The following DOCK4 variants were observed in gnomAD, a reference collection of about 807,000 sequenced individuals.
DOCK4 encodes dedicator of cytokinesis protein 4.
In DOCK4, 97 loss-of-function variants were observed where a neutral mutation model predicts 268.1. The observed-to-expected ratio is 0.36, with a 90% CI of 0.31 to 0.43. The LOEUF (loss-of-function observed/expected upper bound fraction) is 0.43, where lower values mean the gene tolerates loss of function less well. Among genes scored for constraint, DOCK4 ranks in the 20% least tolerant of loss-of-function variants. The probability of loss-of-function intolerance (pLI) is 1.00; values close to 1 mark genes in which losing one functional copy is unlikely to be tolerated. For missense variants in DOCK4, 2,145 were observed against 2,455.7 expected, an observed-to-expected ratio of 0.87 and a Z score of 2.67; for synonymous variants, 954 against 887.2, an observed-to-expected ratio of 1.08 and a Z score of -1.34.
At chr7:111,885,849 T>C (rs1335269241) in intron 16 of DOCK4, among the ~76,000 whole-genome samples, 1 of 152,170 alleles carries the variant, frequency 6.6e-6, no homozygotes, top group African/African-American at 2.4e-5. Flanking sequence ...AAATGCAGGC[T>C]TTGCAGCAGC....
At chr7:111,783,014 G>GAAAAAAAAA in intron 34 of DOCK4, 90 bp from the exon 35 acceptor site, 9 of 412,742 alleles carry the variant, frequency 2.2e-5, no homozygotes, top group South Asian at 1.3e-4. Context: ...AAGAAAGAAA[G>GAAAAAAAAA]AAAGAAAAAA....
At chr7:111,906,059 C>A (rs1466214097) in intron 13 of DOCK4, among the ~76,000 whole-genome samples, 2 of 151,922 alleles carry the variant, frequency 1.3e-5, no homozygotes, top group African/African-American at 2.4e-5. Flanking sequence ...AAGAATAGTG[C>A]CCTAGGTATT....
intron 1 of DOCK4, among the ~76,000 whole-genome samples, chr7:112,122,238 T>G (rs1812796033): frequency 6.6e-6 from 1 of 152,148 alleles, no homozygotes; most frequent in African/African-American, 2.4e-5. Flanking sequence ...AGTTCAGTAG[T>G]GTTAAGTATA....
chr7:111,998,335 T>C lies in DOCK4; in HGVS notation c.218+113A>G, dbSNP rs910737566. 26 of 802,302 alleles carry C rather than the reference T, an allele frequency of 3.2e-5. No individual in the cohort carries two copies. The African/African-American group carries it at 4.2e-4, about 13-fold the overall frequency. 49.7% of individuals were successfully genotyped at this position (802,302 alleles called of 1,614,324 possible). ...TATCTTTAACAAAGAACACAGACAA[T>C]GGTATGATCTTCTACAGTTCATTTT... On this transcript the variant is annotated intron_variant, in intron 4 of 52. Transcript: ENST00000428084.
chr7:112,021,816 T>C (rs554651220), intron 1 of DOCK4, among the ~76,000 whole-genome samples: 1 of 152,318 alleles, frequency 6.6e-6, no homozygotes, highest in South Asian at 2.1e-4. Context: ...GTCTACGGGT[T>C]CTTCCAGAGT....
At chr7:112,151,978 A>C (rs976877141) in intron 1 of DOCK4, among the ~76,000 whole-genome samples, 1 of 150,884 alleles carries the variant, frequency 6.6e-6, no homozygotes, top group African/African-American at 2.5e-5. Flanking sequence ...AAAAAAAAAA[A>C]CTAATTCTAG....
At chr7:111,929,727 T>TCTA (rs564799121) in intron 12 of DOCK4, among the ~76,000 whole-genome samples, 1 of 152,206 alleles carries the variant, frequency 6.6e-6, no homozygotes, top group African/African-American at 2.4e-5. Context: ...GGTCTCCTTA[T>TCTA]GGAGTTAAAA....
chr7:111,786,330 CT>C (rs1799161882), intron 32 of DOCK4, among the ~76,000 whole-genome samples: 2 of 152,110 alleles, frequency 1.3e-5, no homozygotes, highest in African/African-American at 4.8e-5. Context: ...ATCCCCAGCC[CT>C]GGGGAGTGCC....
intron 12 of DOCK4, among the ~76,000 whole-genome samples, chr7:111,933,730 T>G (rs1445782859): frequency 1.3e-5 from 2 of 152,198 alleles, no homozygotes; most frequent in African/African-American, 4.8e-5. Context: ...GTGTCTTGTT[T>G]GTTTAGTGGT....
At chr7:112,070,252 A>G (rs1807464992) in intron 1 of DOCK4, among the ~76,000 whole-genome samples, 1 of 152,190 alleles carries the variant, frequency 6.6e-6, no homozygotes. Flanking sequence ...TGGACTTAGA[A>G]GTAGATGGGA....
At chr7:112,132,907 G>T (rs1813937618) in intron 1 of DOCK4, among the ~76,000 whole-genome samples, 1 of 152,156 alleles carries the variant, frequency 6.6e-6, no homozygotes. Flanking sequence ...TTTACTCTTT[G>T]TCAGGAATTC....
chr7:111,793,609 C>A lies in DOCK4; in HGVS notation c.3167-3004G>T, dbSNP rs1411714841. 2.0e-5 allele frequency among the ~76,000 whole-genome samples: 3 copies of A among 152,148 alleles called. No homozygotes were observed. The East Asian group carries it at 5.8e-4, about 29-fold the overall frequency. The stretch of plus-strand genomic sequence containing the variant: ...TCATTAATCTATTCATTCAGTGACT[C>A]AAGAAATAAGAATGTCTAGTGTATT... On this transcript the variant is annotated intron_variant, in intron 30 of 52. Coordinates refer to ENST00000428084, the MANE Select transcript of DOCK4 (RefSeq NM_001363540.2).
At chr7:111,760,051 T>C in intron 40 of DOCK4, 130 bp downstream of exon 40, 3 of 1,136,338 alleles carry the variant, frequency 2.6e-6, no homozygotes, top group Non-Finnish European at 3.8e-6. Context: ...ATTAAGATGA[T>C]GGGAAAGAGG....
In DOCK4 at chr7:111,877,080, T is replaced by TCCTTTGTGG. The variant is rs771463382; in HGVS notation, c.1685_1693dup (p.Ala562_Lys564dup). 1 of 1,581,126 alleles carries TCCTTTGTGG rather than the reference T, an allele frequency of 6.3e-7. No individual in the cohort carries two copies. Among genetic ancestry groups the TCCTTTGTGG allele is most frequent in the Non-Finnish European group, 8.6e-7 (1 of 1,166,186 alleles). ...GAGAAAAGATGTAATACAAAAGGAC[T>TCCTTTGTGG]CCTTTGTGGCCTTCATGGCTTGATT... On this transcript the variant is annotated inframe_insertion, in exon 17 of 53. Transcript: ENST00000428084.
At chr7:111,909,987 A>G (rs1791957749) in intron 13 of DOCK4, among the ~76,000 whole-genome samples, 1 of 152,088 alleles carries the variant, frequency 6.6e-6, no homozygotes, top group South Asian at 2.1e-4. Flanking sequence ...GAAAAAAAAA[A>G]AAACGTTTTA....
intron 1 of DOCK4, among the ~76,000 whole-genome samples, chr7:112,125,672 G>GA (rs1349692493): frequency 6.6e-6 from 1 of 152,080 alleles, no homozygotes; most frequent in African/African-American, 2.4e-5. Flanking sequence ...TTCCTTATCT[G>GA]AAAAACAGGT....
chr7:111,885,233 G>C (rs1159497176), intron 16 of DOCK4, among the ~76,000 whole-genome samples: 3 of 152,192 alleles, frequency 2.0e-5, no homozygotes, highest in Non-Finnish European at 4.4e-5. Context: ...GCAGATGTGA[G>C]ATTCTTGTGC....
chr7:111,917,637 T>A (rs1586365123), intron 12 of DOCK4, among the ~76,000 whole-genome samples: 1 of 148,624 alleles, frequency 6.7e-6, no homozygotes, highest in Admixed American at 6.8e-5. Flanking sequence ...GCCCGGGAGG[T>A]GGAGCTTGCA....
intron 26 of DOCK4, among the ~76,000 whole-genome samples, chr7:111,823,890 G>GA (rs1202407674): frequency 6.6e-6 from 1 of 152,122 alleles, no homozygotes; most frequent in Non-Finnish European, 1.5e-5. Context: ...ACAGAAGACA[G>GA]AAAAAATCTA....
Sources: allele counts gnomAD v4.1 joint callset (sites outside exome capture counted in the v4.1 genomes callset), GRCh38; gene constraint gnomAD v4.1.1; transcripts MANE v1.5; gene names NCBI Gene and HGNC (gene_info 2026-07-23, HGNC 2026-07-21).